CCDC88C: variants seen among roughly 807,000 people sequenced by gnomAD.
CCDC88C encodes the protein protein Daple.
A neutral mutation model predicts 198.8 loss-of-function variants in CCDC88C; 131 were observed. That is an observed-to-expected ratio of 0.66 (90% confidence interval 0.57 to 0.76). The LOEUF is 0.76. Among genes scored for constraint, CCDC88C ranks in the 30% least tolerant of loss-of-function variants. The pLI is 0.00. For missense variants in CCDC88C, 2,553 were observed against 2,631.6 expected, an observed-to-expected ratio of 0.97 and a Z score of 0.65; for synonymous variants, 1,166 against 1,114.7, an observed-to-expected ratio of 1.05 and a Z score of -0.92.
intron 22 of CCDC88C, among the ~76,000 whole-genome samples, chr14:91,296,230 C>T (rs1376652775): frequency 6.6e-6 from 1 of 152,250 alleles, no homozygotes; most frequent in Non-Finnish European, 1.5e-5. Flanking sequence ...CAGCCCTTCC[C>T]TTGTCCCCTC....
chr14:91,278,602 G>A (rs12881956), intron 28 of CCDC88C, among the ~76,000 whole-genome samples: 28,857 of 152,098 alleles, frequency 0.19, 2,901 homozygotes, highest in African/African-American at 0.24. Flanking sequence ...TACATGTTCC[G>A]AGAATCAAAA....
chr14:91,277,071 A>C lies in CCDC88C; in HGVS notation c.5058+851T>G, dbSNP rs543250515. On this transcript the variant is annotated intron_variant, in intron 29 of 29. Transcript: ENST00000389857. The stretch of plus-strand genomic sequence containing the variant: ...TGCAACCTCCGCCTCCCGGTTTCAA[A>C]TGATTCTCCTGCCTCAGCCTCCCGA... Among the ~76,000 whole-genome samples the C allele has an allele frequency of 4.6e-5, 7 of 152,110 alleles. No individual in the cohort carries two copies. In the South Asian group the frequency reaches 1.4e-3, roughly 32 times the overall value.
In CCDC88C at chr14:91,272,524, C is replaced by G; in HGVS notation, c.*101G>C. 7.8e-7 allele frequency: 1 copy of G among 1,290,178 alleles called. No individual in the cohort carries two copies. Among genetic ancestry groups the G allele is most frequent in the Non-Finnish European group, 1.1e-6 (1 of 933,892 alleles). 79.9% of individuals were successfully genotyped at this position (1,290,178 alleles called of 1,614,324 possible). On this transcript the variant is annotated 3_prime_UTR_variant, in exon 30 of 30. Transcript: ENST00000389857. The stretch of plus-strand genomic sequence containing the variant: ...ATGCGTGGGAACCCCTTTCCTCATT[C>G]CAAACCCTCTCCTGGCACCGCAGGC...
At chr14:91,366,642 A>G (rs914932909) in intron 3 of CCDC88C, among the ~76,000 whole-genome samples, 27 of 152,278 alleles carry the variant, frequency 1.8e-4, no homozygotes, top group African/African-American at 6.0e-4. Context: ...TAATAGCCAC[A>G]AAAAGCAAGC....
At position 91,321,272 on chromosome 14, in the gene CCDC88C, C is replaced by T. The variant is rs1485325146; in HGVS notation, c.1375G>A (p.Glu459Lys). ...TTCAGGATGCGGCTGGACGCACATT[C>T]GTTCAGCTCAAACACAAACGACTTC... ...SRKSFVFELN[E>K]CASSRILKLE... Residue 459 changes from glutamate (E) to lysine (K), a missense_variant, in exon 13 of 30, where the codon GAA becomes AAA. Glu to Lys is a moderately conservative substitution (Grantham distance 56). Around this residue, in one of 2 missense-constraint regions of CCDC88C, gnomAD observed 1,260 missense variants for 1,412.0 expected, o/e 0.89. Transcript: ENST00000389857. 1.3e-6 allele frequency: 2 copies of T among 1,568,962 alleles called. No homozygotes were observed. Among genetic ancestry groups the T allele is most frequent in the Admixed American group, 1.9e-5 (1 of 53,490 alleles).
intron 19 of CCDC88C, 144 bp downstream of exon 19, chr14:91,305,621 G>A (rs914060921): frequency 6.8e-5 from 46 of 672,820 alleles, no homozygotes; most frequent in African/African-American, 3.6e-5. Context: ...TGTTTACAGC[G>A]GGTCTCTATT....
chr14:91,292,734 G>A (rs1890716351), intron 23 of CCDC88C, among the ~76,000 whole-genome samples: 1 of 152,070 alleles, frequency 6.6e-6, no homozygotes, highest in Non-Finnish European at 1.5e-5. Context: ...CGATCACGTG[G>A]AAGGACAGCC....
chr14:91,383,844 T>C (rs1196271072), intron 3 of CCDC88C, among the ~76,000 whole-genome samples: 3 of 152,232 alleles, frequency 2.0e-5, no homozygotes, highest in Non-Finnish European at 4.4e-5. Context: ...AAGAGGCTTC[T>C]TTCTCACTGT....
intron 4 of CCDC88C, among the ~76,000 whole-genome samples, chr14:91,345,210 T>TTTTTTTTTTTTTTTTAAA (rs71120132): frequency 8.1e-6 from 1 of 123,514 alleles, no homozygotes; most frequent in Non-Finnish European, 1.7e-5. Context: ...TTTTTTTTTT[T>TTTTTTTTTTTTTTTTAAA]GAGACAGAGT....
chr14:91,307,675 G>A (rs774603386), intron 17 of CCDC88C, among the ~76,000 whole-genome samples: 30 of 152,264 alleles, frequency 2.0e-4, no homozygotes, highest in African/African-American at 5.3e-4. Flanking sequence ...CTGGAAGAGT[G>A]CGTGTGTGGA....
At chr14:91,409,735 C>A (rs1322402915) in intron 2 of CCDC88C, among the ~76,000 whole-genome samples, 1 of 152,126 alleles carries the variant, frequency 6.6e-6, no homozygotes, top group Non-Finnish European at 1.5e-5. Flanking sequence ...TGACACCCGC[C>A]TTGGCCTCCC....
intron 3 of CCDC88C, among the ~76,000 whole-genome samples, chr14:91,399,506 A>G (rs1375183343): frequency 6.6e-6 from 1 of 152,140 alleles, no homozygotes; most frequent in Non-Finnish European, 1.5e-5. Flanking sequence ...TCCAAATGGG[A>G]GCAGGAGTTT....
chr14:91,335,709 T>C lies in CCDC88C; in HGVS notation c.1050+2296A>G, dbSNP rs544797590. ...ATGCTGCTCAATTAATGTCACCGCA[T>C]GAAGAAGGCAAAGTCACTCACAATC... On this transcript the variant is annotated intron_variant, in intron 10 of 29. Coordinates refer to ENST00000389857, the MANE Select transcript of CCDC88C (RefSeq NM_001080414.4). 1.2e-4 allele frequency among the ~76,000 whole-genome samples: 18 copies of C among 152,308 alleles called. No individual in the cohort carries two copies. The East Asian group carries it at 3.1e-3, about 26-fold the overall frequency.
At chr14:91,275,319 G>T (rs1268501141) in intron 29 of CCDC88C, among the ~76,000 whole-genome samples, 1 of 152,076 alleles carries the variant, frequency 6.6e-6, no homozygotes, top group Non-Finnish European at 1.5e-5. Flanking sequence ...GAGCAGGGAG[G>T]GGCCCCACTC....
At chr14:91,341,871 TGAGTTGG>T (rs1893326822) in intron 6 of CCDC88C, among the ~76,000 whole-genome samples, 3 of 152,062 alleles carry the variant, frequency 2.0e-5, no homozygotes, top group Admixed American at 2.0e-4. Flanking sequence ...CTGGGGGGCC[TGAGTTGG>T]GGCTGGGCCA....
chr14:91,292,771 C>G (rs1890718078), intron 23 of CCDC88C, among the ~76,000 whole-genome samples: 1 of 152,142 alleles, frequency 6.6e-6, no homozygotes, highest in Admixed American at 6.5e-5. Flanking sequence ...GATCCAGAAA[C>G]CACTCTAGAT....
At chr14:91,362,851 C>A (rs2139910440) in intron 3 of CCDC88C, among the ~76,000 whole-genome samples, 1 of 152,086 alleles carries the variant, frequency 6.6e-6, no homozygotes, top group African/African-American at 2.4e-5. Context: ...ATGGCATGAA[C>A]CCGGGAGGCG....
chr14:91,388,901 T>C (rs545564528), intron 3 of CCDC88C, among the ~76,000 whole-genome samples: 1 of 152,298 alleles, frequency 6.6e-6, no homozygotes, highest in Admixed American at 6.5e-5. Flanking sequence ...CAGGGAACCC[T>C]GAAGCACCTG....
intron 4 of CCDC88C, among the ~76,000 whole-genome samples, chr14:91,355,476 C>A (rs1894003840): frequency 6.6e-6 from 1 of 152,214 alleles, no homozygotes; most frequent in East Asian, 1.9e-4. Flanking sequence ...CAGTGAGGCA[C>A]CAGACAGACC....
Sources: gnomAD v4.1 joint callset for allele counts (sites outside exome capture counted in the v4.1 genomes callset) on GRCh38, gnomAD v4.1.1 for gene constraint, gnomAD v4.1.1 regional missense constraint, MANE v1.5 for transcripts, NCBI Gene and HGNC (gene_info 2026-07-23, HGNC 2026-07-21) for gene names.